Variants in RDH12 observed in about 807,000 individuals in gnomAD.
RDH12 encodes the protein retinol dehydrogenase 12, also known as all-trans and 9-cis retinol dehydrogenase.
In RDH12, 21 loss-of-function variants were observed where a neutral mutation model predicts 34.0. The observed-to-expected ratio is 0.62, with a 90% CI of 0.44 to 0.89. The LOEUF (loss-of-function observed/expected upper bound fraction) is 0.89. Ranked by LOEUF, RDH12 falls within the 40% of genes least tolerant of loss-of-function variation. The pLI is 0.00. For synonymous variants in RDH12, 198 were observed against 169.9 expected, an observed-to-expected ratio of 1.17 and a Z score of -1.29; for missense variants, 394 against 398.6, an observed-to-expected ratio of 0.99 and a Z score of 0.10.
chr14:67,731,480 G>C (rs966882075), intron 8 of RDH12, among the ~76,000 whole-genome samples: 25 of 151,940 alleles, frequency 1.6e-4, no homozygotes, highest in Non-Finnish European at 2.8e-4. Flanking sequence ...CTCCCAAAGT[G>C]CTGGGATTGC....
At chr14:67,731,435 G>A (rs942259268) in intron 8 of RDH12, among the ~76,000 whole-genome samples, 3 of 151,558 alleles carry the variant, frequency 2.0e-5, no homozygotes, top group African/African-American at 7.3e-5. Context: ...GGCTGGTCTT[G>A]AACTCCTGAC....
intron 8 of RDH12, among the ~76,000 whole-genome samples, chr14:67,732,169 G>T (rs1038708350): frequency 1.3e-5 from 2 of 151,002 alleles, no homozygotes; most frequent in African/African-American, 4.9e-5. Context: ...GGGTGTGGCG[G>T]CTCATGCCTG....
At chr14:67,729,416 T>C (rs1245874355) in intron 8 of RDH12, 36 bp downstream of exon 8, 21 of 1,582,424 alleles carry the variant, frequency 1.3e-5, no homozygotes, top group Non-Finnish European at 1.8e-5. Context: ...CCACCACCTG[T>C]GTGCATGGGA....
chr14:67,719,350 T>C (rs1396487856), intron 1 of RDH12, among the ~76,000 whole-genome samples: 1 of 152,254 alleles, frequency 6.6e-6, no homozygotes, highest in African/African-American at 2.4e-5. Context: ...CACGATAAGA[T>C]TCTTTACTCA....
intron 3 of RDH12, among the ~76,000 whole-genome samples, chr14:67,722,934 C>A (rs1242204044): frequency 1.3e-5 from 2 of 152,190 alleles, no homozygotes; most frequent in Non-Finnish European, 2.9e-5. Flanking sequence ...CACCTGAGCT[C>A]TGGGGAGAGT....
At chr14:67,719,410 T>C (rs1370016189) in intron 1 of RDH12, among the ~76,000 whole-genome samples, 38 of 152,224 alleles carry the variant, frequency 2.5e-4, no homozygotes, top group Admixed American at 2.5e-3. Context: ...AGCAGTTCAT[T>C]TGGAAGCCTG....
chr14:67,729,056 G>T, intron 7 of RDH12, 135 bp from the exon 8 acceptor site: 1 of 884,026 alleles, frequency 1.1e-6, no homozygotes, highest in African/African-American at 1.6e-5. Context: ...GCCTGGCCAG[G>T]AGTGGTACCT....
At chr14:67,719,035 A>G (rs908015996) in intron 1 of RDH12, among the ~76,000 whole-genome samples, 2 of 152,242 alleles carry the variant, frequency 1.3e-5, no homozygotes, top group East Asian at 3.8e-4. Flanking sequence ...AAAGTTGGGC[A>G]TGTTCCAACA....
chr14:67,721,750 T>C (rs889505135), intron 2 of RDH12, among the ~76,000 whole-genome samples: 2 of 149,262 alleles, frequency 1.3e-5, no homozygotes, highest in African/African-American at 2.5e-5. Context: ...TATATATATA[T>C]ATATATATAT....
intron 7 of RDH12, chr14:67,727,414 C>A: frequency 3.9e-6 from 2 of 518,500 alleles, no homozygotes; most frequent in Non-Finnish European, 3.5e-6. Context: ...ATTTGTGTCA[C>A]ATCTTATCTC....
chr14:67,705,037 G>T (rs1817203739), intron 1 of RDH12, among the ~76,000 whole-genome samples: 1 of 152,194 alleles, frequency 6.6e-6, no homozygotes, highest in Non-Finnish European at 1.5e-5. Flanking sequence ...TTTTGTTGAT[G>T]GAAATTAAGG....
chr14:67,702,262 C>A (rs75724497), intron 1 of RDH12, among the ~76,000 whole-genome samples: 15 of 152,226 alleles, frequency 9.9e-5, no homozygotes, highest in African/African-American at 2.6e-4. Context: ...AGCCACCATG[C>A]CTGGCCTGTG....
intron 1 of RDH12, among the ~76,000 whole-genome samples, chr14:67,712,632 T>TA (rs1290680470): frequency 6.6e-6 from 1 of 152,158 alleles, no homozygotes; most frequent in Non-Finnish European, 1.5e-5. Context: ...GAGCTCATTT[T>TA]AAAAAATCTT....
chr14:67,705,736 TA>T (rs1162473728), intron 1 of RDH12, among the ~76,000 whole-genome samples: 1 of 152,256 alleles, frequency 6.6e-6, no homozygotes, highest in East Asian at 1.9e-4. Context: ...TTTTTTGTAT[TA>T]TTTTTGCAAT....
chr14:67,724,368 T>C (rs1017258885), intron 3 of RDH12, 105 bp from the exon 4 acceptor site: 23 of 870,396 alleles, frequency 2.6e-5, no homozygotes, highest in Non-Finnish European at 4.0e-5. Flanking sequence ...AACTTAAAGA[T>C]ACCCTTCTTT....
chr14:67,727,118 A>G lies in RDH12; in HGVS notation c.586A>G (p.Arg196Gly). The G allele has an allele frequency of 6.2e-7, 1 of 1,614,208 alleles. No individual in the cohort carries two copies. Among genetic ancestry groups the G allele is most frequent in the South Asian group, 1.1e-5 (1 of 91,084 alleles). The change falls in exon 7 of 9, where the codon AGG (arginine) becomes GGG (glycine). Residue 196 changes from arginine (R) to glycine (G), a missense_variant. Transcript: ENST00000551171. The stretch of plus-strand genomic sequence containing the variant: ...CCTCCAGAGCGAGAAGCGCTACAGC[A>G]GGGGTTTTGCCTATTGCCACAGCAA... ...HDLQSEKRYSRGFAYCHSKLA... is the reference protein window; with the variant it reads ...HDLQSEKRYSGGFAYCHSKLA...
At chr14:67,732,076 G>A (rs1447193574) in intron 8 of RDH12, among the ~76,000 whole-genome samples, 3 of 146,918 alleles carry the variant, frequency 2.0e-5, no homozygotes, top group African/African-American at 7.6e-5. Flanking sequence ...GCAGTAAGCC[G>A]AGATCACTCC....
intron 7 of RDH12, chr14:67,727,457 C>G: frequency 2.4e-6 from 1 of 410,288 alleles, no homozygotes; most frequent in East Asian, 5.2e-5. Context: ...TAGCTTTTTG[C>G]AACAGACAGA....
At chr14:67,704,050 G>C (rs1287210930) in intron 1 of RDH12, among the ~76,000 whole-genome samples, 1 of 152,126 alleles carries the variant, frequency 6.6e-6, no homozygotes, top group African/African-American at 2.4e-5. Context: ...TGTTGGATTC[G>C]TATTTTTATG....
Sources: gnomAD v4.1 joint callset for allele counts (sites outside exome capture counted in the v4.1 genomes callset) on GRCh38, gnomAD v4.1.1 for gene constraint, MANE v1.5 for transcripts, NCBI Gene and HGNC (gene_info 2026-07-23, HGNC 2026-07-21) for gene names.